Variants in TRIM49 observed in about 807,000 individuals in gnomAD.
The protein encoded by TRIM49 is tripartite motif-containing protein 49.
A neutral mutation model predicts 27.4 loss-of-function variants in TRIM49; 5 were observed. The ratio of observed to expected loss-of-function variants is 0.18; its 90% CI spans 0.10 to 0.38. TRIM49 has a LOEUF of 0.38. TRIM49 is among the 10% of genes least tolerant of loss of function. The pLI is 1.00. For missense variants in TRIM49, 188 were observed against 487.5 expected, an observed-to-expected ratio of 0.39 and a Z score of 5.79; for synonymous variants, 69 against 166.0, an observed-to-expected ratio of 0.42 and a Z score of 4.49.
downstream of TRIM49, among the ~76,000 whole-genome samples, chr11:89,792,657 C>T (rs1377417678): frequency 2.6e-5 from 4 of 152,034 alleles, no homozygotes; most frequent in Non-Finnish European, 5.9e-5. Flanking sequence ...GGGTACATAA[C>T]GAAATGAAGG....
At chr11:89,805,317 C>T (rs1219963073) in intron 2 of TRIM49, among the ~76,000 whole-genome samples, 7 of 150,496 alleles carry the variant, frequency 4.7e-5, no homozygotes, top group African/African-American at 9.8e-5. Context: ...ACTGGATTAA[C>T]CAACACCTAG....
chr11:89,772,229 T>C, the TRIM49 span, among the ~76,000 whole-genome samples: 1 of 138,258 alleles, frequency 7.2e-6, no homozygotes, highest in Non-Finnish European at 1.5e-5. Flanking sequence ...GCTAACTTTA[T>C]TGTAAAAATA....
At chr11:89,790,310 T>C in the TRIM49 span, among the ~76,000 whole-genome samples, 3 of 142,600 alleles carry the variant, frequency 2.1e-5, no homozygotes, top group Admixed American at 7.0e-5. Flanking sequence ...TGCCTGCCTC[T>C]GTAGACTCCA....
the TRIM49 span, among the ~76,000 whole-genome samples, chr11:89,770,613 A>C: frequency 0.012 from 1,690 of 140,852 alleles, 190 homozygotes; most frequent in Middle Eastern, 0.025. Context: ...TAATCCCAGC[A>C]CTTTGGGAGG....
the TRIM49 span, among the ~76,000 whole-genome samples, chr11:89,783,929 G>A: frequency 7.0e-6 from 1 of 143,714 alleles, no homozygotes; most frequent in South Asian, 2.1e-4. Context: ...CCCATTTATT[G>A]CCATGTCCCA....
downstream of TRIM49, among the ~76,000 whole-genome samples, chr11:89,793,489 A>C (rs1949668831): frequency 6.6e-6 from 1 of 152,296 alleles, no homozygotes; most frequent in African/African-American, 2.4e-5. Flanking sequence ...TCTCAATAAA[A>C]TACTGACAAA....
chr11:89,792,573 A>G, the TRIM49 span, among the ~76,000 whole-genome samples: 1 of 152,160 alleles, frequency 6.6e-6, no homozygotes, highest in African/African-American at 2.4e-5. Context: ...TCAAACTAGA[A>G]CTCAGGATTA....
At chr11:89,768,361 T>C in the TRIM49 span, 15 of 1,116,128 alleles carry the variant, frequency 1.3e-5, 3 homozygotes, top group South Asian at 2.0e-4. Context: ...AGAAAATGCT[T>C]CATTCAAACC....
At chr11:89,782,435 T>C in the TRIM49 span, 2 of 1,203,148 alleles carry the variant, frequency 1.7e-6, no homozygotes, top group South Asian at 3.1e-5. Flanking sequence ...AATACTGTCC[T>C]AAGACACTAT....
In TRIM49 at chr11:89,800,951, T is replaced by C. The variant is rs201110513; in HGVS notation, c.761+15A>G. On this transcript the variant is annotated intron_variant, in intron 6 of 7. Transcript: ENST00000329758. Reference sequence around the variant, plus strand: ...ATCTTAAAGAACATATGCTAAAATCTAGGTACACACTCACCTGTGTAATAT... The same window carrying C: ...ATCTTAAAGAACATATGCTAAAATCCAGGTACACACTCACCTGTGTAATAT... The C allele has an allele frequency of 4.5e-3, 5,991 of 1,340,812 alleles. No homozygotes were observed. Among genetic ancestry groups the C allele is most frequent in the Non-Finnish European group, 3.5e-3 (3,418 of 990,700 alleles). 83.1% of individuals were successfully genotyped at this position (1,340,812 alleles called of 1,614,324 possible).
chr11:89,783,621 CAT>C, the TRIM49 span, among the ~76,000 whole-genome samples: 2 of 137,524 alleles, frequency 1.5e-5, no homozygotes, highest in South Asian at 4.5e-4. Context: ...CTTAAACTGA[CAT>C]ATAAATTTAA....
chr11:89,803,850 C>A (rs1318107917), intron 3 of TRIM49, 57 bp from the exon 4 acceptor site: 3 of 860,722 alleles, frequency 3.5e-6, no homozygotes, highest in Non-Finnish European at 5.3e-6. Context: ...GGGAGGGGGC[C>A]CAGAATGAGA....
the TRIM49 span, among the ~76,000 whole-genome samples, chr11:89,773,791 A>C: frequency 1.5e-5 from 2 of 132,398 alleles, 1 homozygote; most frequent in African/African-American, 7.1e-5. Context: ...ATACAAACTT[A>C]GCTGGGCTTA....
At chr11:89,770,588 G>A in the TRIM49 span, among the ~76,000 whole-genome samples, 2 of 142,328 alleles carry the variant, frequency 1.4e-5, no homozygotes, top group Non-Finnish European at 3.0e-5. Context: ...GGCCAGGCAC[G>A]GTGGCTCACG....
chr11:89,774,164 C>A, the TRIM49 span, among the ~76,000 whole-genome samples: 2 of 150,466 alleles, frequency 1.3e-5, 1 homozygote, highest in African/African-American at 5.0e-5. Flanking sequence ...CCGAACTCGG[C>A]TAATTTTTTG....
downstream of TRIM49, among the ~76,000 whole-genome samples, chr11:89,793,381 TA>T (rs1193590794): frequency 6.6e-6 from 1 of 152,286 alleles, no homozygotes; most frequent in East Asian, 1.9e-4. Flanking sequence ...TAACTCATTT[TA>T]TGAGGCCAGC....
rs1168642124 is a variant in TRIM49 at position 89,798,330 on chromosome 11, T to C, written c.1159A>G (p.Ile387Val). ...GAGGTGGTAAAGAGACTGCATTGAA[T>C]GTCATTCTTAACACACCCAAGAAGA... Reference protein sequence around the residue: ...LFLLGCVKNDIQCSLFTTSPL... With the variant: ...LFLLGCVKNDVQCSLFTTSPL... Residue 387 changes from isoleucine to valine, a missense_variant, in exon 8 of 8, where the codon ATT (isoleucine) becomes GTT (valine). Physicochemically the swap from Ile to Val is conservative, Grantham distance 29 (BLOSUM62 3). This residue lies in a region of TRIM49 where 94 missense variants were observed against 149.6 expected (regional missense o/e 0.63). Transcript: ENST00000329758. 21 of 1,573,212 alleles carry C rather than the reference T, an allele frequency of 1.3e-5. 2 individuals are homozygous for C. The highest frequency in any genetic ancestry group is 5.0e-5 in the East Asian group (2 of 40,280).
rs558240997 is a variant in TRIM49, at chr11:89,801,242, T to C, written c.739-254A>G. Among the ~76,000 whole-genome samples, 60 of 147,606 alleles carry C rather than the reference T, an allele frequency of 4.1e-4. No homozygotes were observed. The South Asian group carries it at 0.012, about 31-fold the overall frequency. The stretch of plus-strand genomic sequence containing the variant: ...AGGGAGAAGAGGCCCAGAAGGTCTA[T>C]GGTCTGTGGTAACCATGAAAAACCT... On this transcript the variant is annotated intron_variant, in intron 5 of 7. Transcript: ENST00000329758.
At chr11:89,770,105 A>G in the TRIM49 span, among the ~76,000 whole-genome samples, 1 of 112,012 alleles carries the variant, frequency 8.9e-6, no homozygotes, top group Admixed American at 8.3e-5. Context: ...GAAACAAGTA[A>G]TGAAGCTTAA....
Sources: allele counts gnomAD v4.1 joint callset (sites outside exome capture counted in the v4.1 genomes callset), GRCh38; gene constraint gnomAD v4.1.1; regional missense constraint gnomAD v4.1.1; transcripts MANE v1.5; gene names NCBI Gene and HGNC (gene_info 2026-07-23, HGNC 2026-07-21).